AK9: variants seen among roughly 807,000 people sequenced by gnomAD.
AK9 encodes adenylate kinase 9.
Under a neutral mutation model 239.6 loss-of-function variants are expected in AK9, and 191 were observed. The ratio of observed to expected loss-of-function variants is 0.80; its 90% CI spans 0.71 to 0.90. The LOEUF (loss-of-function observed/expected upper bound fraction) is 0.90. Ranked by LOEUF, AK9 falls within the 40% of genes least tolerant of loss-of-function variation. The pLI, the probability that AK9 is intolerant of heterozygous loss-of-function variation, is 0.00. For synonymous variants in AK9, 689 were observed against 721.0 expected (o/e 0.96, Z 0.71); for missense variants, 1,995 against 2,214.7 (o/e 0.90, Z 1.99).
intron 12 of AK9, among the ~76,000 whole-genome samples, chr6:109,626,596 G>C (rs1333667561): frequency 6.6e-6 from 1 of 152,184 alleles, no homozygotes; most frequent in Non-Finnish European, 1.5e-5. Flanking sequence ...AGAGGGTACA[G>C]CTTACTAAAC....
chr6:109,606,125 A>T (rs12524352), intron 17 of AK9, among the ~76,000 whole-genome samples: 88,569 of 151,970 alleles, frequency 0.58, 27,495 homozygotes, highest in South Asian at 0.84. Context: ...ATTTTTATAC[A>T]TTACTCATTC....
At chr6:109,606,310 G>C (rs966965410) in intron 17 of AK9, among the ~76,000 whole-genome samples, 64 of 151,982 alleles carry the variant, frequency 4.2e-4, no homozygotes, top group African/African-American at 1.5e-3. Flanking sequence ...AGGAGACCGA[G>C]ACTGGGGGAA....
intron 38 of AK9, among the ~76,000 whole-genome samples, chr6:109,496,476 G>C (rs1777050027): frequency 6.6e-6 from 1 of 152,114 alleles, no homozygotes; most frequent in Non-Finnish European, 1.5e-5. Flanking sequence ...ACCATTCTTG[G>C]CAAGATTACT....
chr6:109,548,074 A>G (rs535462376), intron 25 of AK9, among the ~76,000 whole-genome samples: 202 of 152,278 alleles, frequency 1.3e-3, no homozygotes, highest in Middle Eastern at 3.4e-3. Flanking sequence ...AATACTGATG[A>G]GGATGTGAAG....
Position 109,564,189 on chromosome 6 carries a change from C to G in AK9, c.2526G>C (p.Trp842Cys), listed in dbSNP as rs902266257. The change falls in exon 23 of 41, where the codon TGG becomes TGC. Residue 842 changes from tryptophan (W) to cysteine (C), a missense_variant. Trp to Cys is a radical substitution (Grantham distance 215). Transcript: ENST00000424296. ...KEKIGSFIIL[W>C]KQLEATISEA... The stretch of plus-strand genomic sequence containing the variant: ...CACTAATTGTTGCTTCTAGCTGTTT[C>G]CAGAGGATGATGAAAGAACCAATCT... 9.0e-6 allele frequency: 14 copies of G among 1,551,236 alleles called. No individual in the cohort carries two copies. Among genetic ancestry groups the G allele is most frequent in the Non-Finnish European group, 1.2e-5 (14 of 1,146,856 alleles).
chr6:109,632,746 C>T, intron 12 of AK9, 177 bp downstream of exon 12: 1 of 1,308,674 alleles, frequency 7.6e-7, no homozygotes, highest in Non-Finnish European at 9.8e-7. Context: ...AAAAAGAATG[C>T]CTACCCTACC....
intron 17 of AK9, among the ~76,000 whole-genome samples, chr6:109,604,929 G>A (rs753398017): frequency 3.9e-5 from 6 of 151,962 alleles, no homozygotes; most frequent in African/African-American, 4.8e-5. Context: ...TTACATTTAT[G>A]TTCTTGTCAC....
chr6:109,578,811 C>A (rs1562440452), intron 20 of AK9, among the ~76,000 whole-genome samples: 1 of 152,124 alleles, frequency 6.6e-6, no homozygotes, highest in Non-Finnish European at 1.5e-5. Flanking sequence ...AAAGAACATT[C>A]AGGAGCAGGT....
chr6:109,518,290 A>T (rs1434778454), intron 29 of AK9, among the ~76,000 whole-genome samples: 1 of 152,094 alleles, frequency 6.6e-6, no homozygotes, highest in Admixed American at 6.5e-5. Context: ...CGTTTTAAAG[A>T]AGTTTCAGAT....
chr6:109,550,369 T>A (rs892886919), intron 24 of AK9, 67 bp from the exon 25 acceptor site: 11 of 1,405,006 alleles, frequency 7.8e-6, no homozygotes, highest in Middle Eastern at 1.8e-4. Flanking sequence ...GATAATTTTT[T>A]AAAATGCTTC....
chr6:109,571,848 T>C (rs1356588736), intron 21 of AK9, among the ~76,000 whole-genome samples: 1 of 152,214 alleles, frequency 6.6e-6, no homozygotes. Flanking sequence ...TTCCATGATA[T>C]AAGGAATAAT....
chr6:109,558,375 C>T (rs553737219), intron 24 of AK9, among the ~76,000 whole-genome samples: 4 of 152,144 alleles, frequency 2.6e-5, no homozygotes, highest in African/African-American at 9.6e-5. Context: ...ACATTTAGGC[C>T]TATAATACAT....
chr6:109,627,460 G>A (rs760482957), intron 12 of AK9, among the ~76,000 whole-genome samples: 3 of 152,124 alleles, frequency 2.0e-5, no homozygotes, highest in African/African-American at 7.2e-5. Context: ...ATGATTGTAT[G>A]TGCTATGCTT....
chr6:109,591,535 T>C (rs1450296218), intron 17 of AK9, among the ~76,000 whole-genome samples: 1 of 152,192 alleles, frequency 6.6e-6, no homozygotes, highest in Non-Finnish European at 1.5e-5. Flanking sequence ...TAGTATTATA[T>C]GTAGTATTGA....
chr6:109,672,206 T>A lies in AK9; in HGVS notation c.182-39A>T, dbSNP rs2128336691. ...TCAAAATATTAATACAGACTGATAT[T>A]AAGATCACCAAAATAAGAAACACAT... On this transcript the variant is annotated intron_variant, in intron 3 of 40. Coordinates refer to ENST00000424296, the MANE Select transcript of AK9 (RefSeq NM_001145128.3). 3 of 1,525,750 alleles carry A rather than the reference T, an allele frequency of 2.0e-6. No individual in the cohort carries two copies. The East Asian group carries it at 6.9e-5, about 35-fold the overall frequency. The allele number at this position is 1,525,750 out of a possible 1,614,324, so 94.5% of individuals were successfully genotyped here. A position where few individuals can be genotyped will look rare whatever the true frequency, so the allele number is the denominator to read the frequency against.
At chr6:109,625,078 G>A (rs1164965916) in intron 12 of AK9, among the ~76,000 whole-genome samples, 6 of 151,748 alleles carry the variant, frequency 4.0e-5, no homozygotes, top group South Asian at 4.2e-4. Context: ...TCTAGTTTCT[G>A]GATTCAATAA....
chr6:109,572,762 G>A (rs1562430398), intron 21 of AK9, among the ~76,000 whole-genome samples: 1 of 152,104 alleles, frequency 6.6e-6, no homozygotes, highest in Non-Finnish European at 1.5e-5. Flanking sequence ...TAGTTTGTAG[G>A]ATGAATTTCA....
intron 1 of AK9, 77 bp from the exon 2 acceptor site, chr6:109,675,833 TG>T (rs1389433499): frequency 4.8e-6 from 4 of 826,104 alleles, no homozygotes; most frequent in Non-Finnish European, 7.7e-6. Context: ...TGAAATAACC[TG>T]TGAGTTTTCT....
At chr6:109,538,194 T>C (rs1782302870) in intron 27 of AK9, among the ~76,000 whole-genome samples, 1 of 152,190 alleles carries the variant, frequency 6.6e-6, no homozygotes, top group Non-Finnish European at 1.5e-5. Context: ...TGTCTAATGT[T>C]GATAGTGAGG....
Sources: gnomAD v4.1 joint callset for allele counts (sites outside exome capture counted in the v4.1 genomes callset) on GRCh38, gnomAD v4.1.1 for gene constraint, MANE v1.5 for transcripts, NCBI Gene and HGNC (gene_info 2026-07-23, HGNC 2026-07-21) for gene names.